PSTPIP2: variants seen among roughly 807,000 people sequenced by gnomAD.
PSTPIP2 encodes the protein proline-serine-threonine phosphatase interacting protein 2.
A neutral mutation model predicts 63.3 loss-of-function variants in PSTPIP2; 33 were observed. The observed-to-expected ratio is 0.52, with a 90% CI of 0.40 to 0.70. The LOEUF is 0.70. PSTPIP2 is among the 30% of genes least tolerant of loss of function. The pLI, the probability that PSTPIP2 is intolerant of heterozygous loss-of-function variation, is 0.00. For missense variants in PSTPIP2, 312 were observed against 400.7 expected (o/e 0.78, Z 1.89); for synonymous variants, 125 against 132.7 (o/e 0.94, Z 0.40).
chr18:46,056,649 C>T lies in PSTPIP2; in HGVS notation c.33+15507G>A, dbSNP rs538581456. On this transcript the variant is annotated intron_variant, in intron 1 of 14. Transcript: ENST00000409746. ...GGCTGAGGCAGGAGGCTCACTTGAG[C>T]CAAAGAGTTCAAAGCTGCAGTGAGG... Among the ~76,000 whole-genome samples, 3 of 152,262 alleles carry T rather than the reference C, an allele frequency of 2.0e-5. No homozygotes were observed. The East Asian group carries it at 5.8e-4, about 29-fold the overall frequency.
Position 46,011,165 on chromosome 18 carries a change from C to T in PSTPIP2, c.354+16G>A, listed in dbSNP as rs759205815. ...TAGGAGGAAAGGAAACACCTTAACA[C>T]GTATGCAAATCCAACCTTTTTTCGT... On this transcript the variant is annotated intron_variant, in intron 5 of 14. Coordinates refer to ENST00000409746, the MANE Select transcript of PSTPIP2 (RefSeq NM_024430.4). 3.8e-5 allele frequency: 61 copies of T among 1,591,782 alleles called. No individual in the cohort carries two copies. The highest frequency in any genetic ancestry group is 8.1e-5 in the African/African-American group (6 of 74,388).
chr18:46,042,863 T>A lies in PSTPIP2; in HGVS notation c.34-2816A>T, dbSNP rs1481123846. ...TTCTCTGAGTAACATACACAGGAGT[T>A]TCCAGACAAGTCCTCCACCACTTTA... On this transcript the variant is annotated intron_variant, in intron 1 of 14. Transcript: ENST00000409746. 2.0e-5 allele frequency among the ~76,000 whole-genome samples: 3 copies of A among 152,158 alleles called. No homozygotes were observed. The East Asian group carries it at 5.8e-4, about 29-fold the overall frequency.
rs530317659 is a variant in PSTPIP2, at chr18:46,052,381, C to G, written c.34-12334G>C. ...AAGGTCTTTGATCTCTATCAGCTAG[C>G]CTCTAGTTGAGCCAGATAAGCAAAG... On this transcript the variant is annotated intron_variant, in intron 1 of 14. Transcript: ENST00000409746. Among the ~76,000 whole-genome samples the G allele has an allele frequency of 3.9e-5, 6 of 152,256 alleles. No individual in the cohort carries two copies. The East Asian group carries it at 1.2e-3, about 29-fold the overall frequency.
At chr18:46,065,446 T>A (rs1410752111) in intron 1 of PSTPIP2, among the ~76,000 whole-genome samples, 1 of 151,460 alleles carries the variant, frequency 6.6e-6, no homozygotes, top group Non-Finnish European at 1.5e-5. Flanking sequence ...CCCACCACCA[T>A]GCCTGGCTAA....
chr18:45,984,014 G>C lies in PSTPIP2; in HGVS notation c.*1445C>G, dbSNP rs1428612958. Reference sequence around the variant, plus strand: ...ATACAAAAAATTAGCCAGGTGTGGTGGTGGGTGCCTGTAATCCCAGCTACT... The same window carrying C: ...ATACAAAAAATTAGCCAGGTGTGGTCGTGGGTGCCTGTAATCCCAGCTACT... On this transcript the variant is annotated 3_prime_UTR_variant, in exon 15 of 15. Coordinates refer to ENST00000409746, the MANE Select transcript of PSTPIP2 (RefSeq NM_024430.4). 5 of 152,212 alleles carry C rather than the reference G, an allele frequency of 3.3e-5. No individual in the cohort carries two copies. Among genetic ancestry groups the C allele is most frequent in the Non-Finnish European group, 7.3e-5 (5 of 68,096 alleles). The allele number at this position is 152,212 out of a possible 1,614,324, so 9.4% of individuals were successfully genotyped here. A position where few individuals can be genotyped will look rare whatever the true frequency, so the allele number is the denominator to read the frequency against.
intron 10 of PSTPIP2, among the ~76,000 whole-genome samples, chr18:45,992,992 CT>C (rs1252763841): frequency 6.6e-6 from 1 of 152,160 alleles, no homozygotes; most frequent in Non-Finnish European, 1.5e-5. Context: ...TCCCAAAGTG[CT>C]GGGATTACAG....
intron 5 of PSTPIP2, among the ~76,000 whole-genome samples, chr18:46,008,275 G>A (rs772982927): frequency 1.3e-5 from 2 of 151,952 alleles, no homozygotes; most frequent in Non-Finnish European, 2.9e-5. Flanking sequence ...TTCATGGCCC[G>A]TTTTTCTCTC....
intron 3 of PSTPIP2, among the ~76,000 whole-genome samples, chr18:46,017,999 T>C (rs918947971): frequency 6.6e-6 from 1 of 152,200 alleles, no homozygotes; most frequent in African/African-American, 2.4e-5. Flanking sequence ...GCATCTCATC[T>C]ACTGAATTTT....
intron 9 of PSTPIP2, among the ~76,000 whole-genome samples, chr18:45,996,218 T>C (rs1218939239): frequency 1.3e-5 from 2 of 152,144 alleles, no homozygotes; most frequent in Admixed American, 6.5e-5. Context: ...AAAGGCAAGC[T>C]GGATGAAAAA....
At chr18:46,000,553 A>G (rs1392867507) in intron 6 of PSTPIP2, among the ~76,000 whole-genome samples, 1 of 152,110 alleles carries the variant, frequency 6.6e-6, no homozygotes, top group African/African-American at 2.4e-5. Flanking sequence ...TTTTCAGTAG[A>G]GACAGGGTTT....
Position 45,985,416 on chromosome 18 carries a change from A to G in PSTPIP2, c.*43T>C, listed in dbSNP as rs779358223. On this transcript the variant is annotated 3_prime_UTR_variant, in exon 15 of 15. Transcript: ENST00000409746. ...CTGCTGCTCTGGGTGCCCTTTCCAT[A>G]TCACAGAAGCACTAGCCGGAAAAAG... The G allele has an allele frequency of 2.5e-6, 4 of 1,613,216 alleles. No individual in the cohort carries two copies. The highest frequency in any genetic ancestry group is 3.4e-6 in the Non-Finnish European group (4 of 1,179,636).
intron 4 of PSTPIP2, 110 bp downstream of exon 4, chr18:46,015,793 T>A (rs1188457758): frequency 7.9e-7 from 1 of 1,267,998 alleles, no homozygotes; most frequent in East Asian, 2.5e-5. Context: ...TTGCTCTAAT[T>A]TTTTTTCACC....
At position 45,985,333 on chromosome 18, in the gene PSTPIP2, A is replaced by C; in HGVS notation, c.*126T>G. 1.5e-6 allele frequency: 2 copies of C among 1,356,332 alleles called. No homozygotes were observed. The highest frequency in any genetic ancestry group is 2.0e-6 in the Non-Finnish European group (2 of 979,698). The allele number at this position is 1,356,332 out of a possible 1,614,324, so 84.0% of individuals were successfully genotyped here. The stretch of plus-strand genomic sequence containing the variant: ...TACCATAAATTTTAAATCTCTAAAA[A>C]ATTATAGCAAGGGTTCACTTCAAAG... On this transcript the variant is annotated 3_prime_UTR_variant, in exon 15 of 15. Transcript: ENST00000409746.
intron 1 of PSTPIP2, among the ~76,000 whole-genome samples, chr18:46,063,906 C>A (rs1267580872): frequency 2.6e-5 from 4 of 152,206 alleles, no homozygotes; most frequent in Non-Finnish European, 5.9e-5. Context: ...AATAGGCCCA[C>A]TCTTTAGGAA....
rs765443099 is a variant in PSTPIP2, at chr18:45,999,680, A to C, written c.418-146T>G. 5.6e-6 allele frequency: 4 copies of C among 708,118 alleles called. No homozygotes were observed. In the Admixed American group the frequency reaches 1.1e-4, roughly 20 times the overall value. 43.9% of individuals were successfully genotyped at this position (708,118 alleles called of 1,614,324 possible). On this transcript the variant is annotated intron_variant, in intron 6 of 14. Transcript: ENST00000409746. ...ACTAAGCCATGGGCTCCCAGAGGGCAGATGCTTTTTCTTATCAGTCTTTGA... is the reference window on the plus strand; with the variant it reads ...ACTAAGCCATGGGCTCCCAGAGGGCCGATGCTTTTTCTTATCAGTCTTTGA...
intron 13 of PSTPIP2, among the ~76,000 whole-genome samples, chr18:45,989,258 C>T (rs2051498115): frequency 2.0e-5 from 3 of 152,086 alleles, no homozygotes; most frequent in Non-Finnish European, 2.9e-5. Flanking sequence ...TAATTTCCAC[C>T]GTTGTGGGAA....
intron 2 of PSTPIP2, among the ~76,000 whole-genome samples, chr18:46,036,399 T>C (rs1469105051): frequency 2.0e-5 from 3 of 152,166 alleles, no homozygotes; most frequent in Non-Finnish European, 2.9e-5. Context: ...TAAGGAGTAA[T>C]ATGGTTTGAA....
intron 5 of PSTPIP2, among the ~76,000 whole-genome samples, chr18:46,009,780 T>C (rs2051775558): frequency 6.6e-6 from 1 of 152,186 alleles, no homozygotes; most frequent in African/African-American, 2.4e-5. Flanking sequence ...TAGACTCTGG[T>C]TGTCTAAGGC....
chr18:46,000,763 C>G (rs16978509), intron 6 of PSTPIP2, among the ~76,000 whole-genome samples: 23,620 of 152,152 alleles, frequency 0.16, 2,412 homozygotes, highest in East Asian at 0.38. Context: ...ATTATGGAAA[C>G]AGATCACAAA....
Sources: allele counts gnomAD v4.1 joint callset (sites outside exome capture counted in the v4.1 genomes callset), GRCh38; gene constraint gnomAD v4.1.1; transcripts MANE v1.5; gene names NCBI Gene and HGNC (gene_info 2026-07-23, HGNC 2026-07-21).